The following KIF3A variants were observed in gnomAD, a reference collection of about 807,000 sequenced individuals.
KIF3A encodes the protein kinesin family member 3A, also known as kinesin-like protein KIF3A.
A neutral mutation model predicts 92.6 loss-of-function variants in KIF3A; 27 were observed. The ratio of observed to expected loss-of-function variants is 0.29; its 90% CI spans 0.21 to 0.40. KIF3A has a LOEUF of 0.40. Ranked by LOEUF, KIF3A falls within the 10% of genes least tolerant of loss-of-function variation. The probability of loss-of-function intolerance (pLI) is 1.00; values close to 1 mark genes in which losing one functional copy is unlikely to be tolerated. For missense variants in KIF3A, 581 were observed against 872.6 expected, an observed-to-expected ratio of 0.67 and a Z score of 4.21; for synonymous variants, 250 against 275.4, an observed-to-expected ratio of 0.91 and a Z score of 0.92.
At chr5:132,721,866 C>T (rs1753836585) in intron 4 of KIF3A, among the ~76,000 whole-genome samples, 1 of 152,126 alleles carries the variant, frequency 6.6e-6, no homozygotes, top group South Asian at 2.1e-4. Flanking sequence ...GAGAAGGGCG[C>T]TTTCATGAAT....
At chr5:132,692,089 T>G (rs1423334053), downstream of KIF3A, among the ~76,000 whole-genome samples, 3 of 152,146 alleles carry the variant, frequency 2.0e-5, no homozygotes, top group African/African-American at 7.2e-5. Flanking sequence ...TATGCAGCCA[T>G]AAAAATGAAT....
intron 11 of KIF3A, 63 bp from the exon 12 acceptor site, chr5:132,703,682 T>C: frequency 8.2e-7 from 1 of 1,222,698 alleles, no homozygotes; most frequent in Admixed American, 2.4e-5. Context: ...CTTATATAAA[T>C]TACCTCCTTC....
At chr5:132,735,177 C>A (rs751141042) in intron 1 of KIF3A, among the ~76,000 whole-genome samples, 6 of 152,130 alleles carry the variant, frequency 3.9e-5, no homozygotes, top group Non-Finnish European at 7.3e-5. Flanking sequence ...CAGGCTCAAG[C>A]GATTCTGCTG....
Position 132,694,040 on chromosome 5 carries a change from T to C in KIF3A, c.*2594A>G, listed in dbSNP as rs1752753804. On this transcript the variant is annotated 3_prime_UTR_variant, in exon 19 of 19. Coordinates refer to ENST00000403231, the MANE Select transcript of KIF3A (RefSeq NM_001300791.2). ...GTATCAAATTTTGGTATTTCTGAGA[T>C]GGATATTTAATGTCCATCTGGTATA... 1 of 151,608 alleles carries C rather than the reference T, an allele frequency of 6.6e-6. No individual in the cohort carries two copies. The highest frequency in any genetic ancestry group is 1.5e-5 in the Non-Finnish European group (1 of 67,918). 9.4% of individuals were successfully genotyped at this position (151,608 alleles called of 1,614,324 possible). A position where few individuals can be genotyped will look rare whatever the true frequency, so the allele number is the denominator to read the frequency against.
downstream of KIF3A, among the ~76,000 whole-genome samples, chr5:132,690,255 A>G (rs6879672): frequency 0.6 from 91,698 of 151,772 alleles, 29,848 homozygotes; most frequent in Non-Finnish European, 0.75. Flanking sequence ...TCCAGGTGTG[A>G]GGGCATGCAC....
At chr5:132,732,341 G>C (rs1754259964) in intron 2 of KIF3A, among the ~76,000 whole-genome samples, 1 of 152,076 alleles carries the variant, frequency 6.6e-6, no homozygotes, top group Non-Finnish European at 1.5e-5. Context: ...CTAAACATAT[G>C]TTCACACAAA....
At chr5:132,692,608 G>C (rs987435312), downstream of KIF3A, 2 of 152,414 alleles carry the variant, frequency 1.3e-5, no homozygotes, top group African/African-American at 4.8e-5. Flanking sequence ...GTTGAGAAAA[G>C]CAGCAGACCA....
At chr5:132,721,508 C>T (rs1753823048) in intron 4 of KIF3A, 1 of 152,100 alleles carries the variant, frequency 6.6e-6, no homozygotes, top group African/African-American at 2.4e-5. Flanking sequence ...GTAGGAAGAC[C>T]TCATAGACAT....
At position 132,694,398 on chromosome 5, in the gene KIF3A, A is replaced by G. The variant is rs942990189; in HGVS notation, c.*2236T>C. ...CTCCGTCTCCAAACAAAAAACAAAC[A>G]CCCCTGCTATAGTAGCCTGCTTTTA... is the stretch of plus-strand genomic sequence containing the variant. On this transcript the variant is annotated 3_prime_UTR_variant, in exon 19 of 19. Coordinates refer to ENST00000403231, the MANE Select transcript of KIF3A (RefSeq NM_001300791.2). The G allele has an allele frequency of 1.3e-5, 2 of 151,756 alleles. No individual in the cohort carries two copies. The highest frequency in any genetic ancestry group is 2.9e-5 in the Non-Finnish European group (2 of 67,968). The allele number at this position is 151,756 out of a possible 1,614,324, so 9.4% of individuals were successfully genotyped here.
intron 10 of KIF3A, among the ~76,000 whole-genome samples, chr5:132,708,190 G>A (rs756622277): frequency 3.3e-5 from 5 of 151,244 alleles, no homozygotes; most frequent in Non-Finnish European, 5.9e-5. Flanking sequence ...GCTGAGGCAG[G>A]AGAATGGCGT....
At chr5:132,717,947 G>A (rs1228521523) in intron 5 of KIF3A, among the ~76,000 whole-genome samples, 3 of 151,944 alleles carry the variant, frequency 2.0e-5, no homozygotes, top group African/African-American at 4.8e-5. Context: ...ATGAAATCTT[G>A]TGTTAAAATT....
At position 132,734,231 on chromosome 5, in the gene KIF3A, A is replaced by G; in HGVS notation, c.254T>C (p.Ile85Thr). The G allele has an allele frequency of 6.2e-7, 1 of 1,613,768 alleles. No individual in the cohort carries two copies. The highest frequency in any genetic ancestry group is 8.5e-7 in the Non-Finnish European group (1 of 1,179,792). Residue 85 changes from isoleucine to threonine, a missense_variant, in exon 2 of 19, where the codon ATT becomes ACT. By Grantham distance (89) the Ile-to-Thr change is moderately conservative. Around this residue, in one of 5 missense-constraint regions of KIF3A, gnomAD observed 217 missense variants for 299.7 expected, o/e 0.72. Coordinates refer to ENST00000403231, the MANE Select transcript of KIF3A (RefSeq NM_001300791.2). ...DVYNLTARPI[I>T]DSVLEGYNGT... ...ATTGTAGCCTTCAAGTACAGAATCAATAATAGGTCTTGCAGTTAAGTTATA... is the reference window on the plus strand; with the variant it reads ...ATTGTAGCCTTCAAGTACAGAATCAGTAATAGGTCTTGCAGTTAAGTTATA...
In KIF3A at chr5:132,724,809, ATATATATATATAT is replaced by A. The variant is rs1753968392; in HGVS notation, c.510+1306_510+1318del. On this transcript the variant is annotated intron_variant, in intron 4 of 18. Coordinates refer to ENST00000403231, the MANE Select transcript of KIF3A (RefSeq NM_001300791.2). ...AAGTATAATAAAAAAAAAAAAAAAT[ATATATATATATAT>A]ATATATATATATATATATATATATA... is the stretch of plus-strand genomic sequence containing the variant. Among the ~76,000 whole-genome samples, 13 of 10,516 alleles carry A rather than the reference ATATATATATATAT, an allele frequency of 1.2e-3. 1 individual carries two copies. The highest frequency in any genetic ancestry group is 3.2e-3 in the East Asian group (2 of 630). 6.9% of individuals were successfully genotyped at this position (10,516 alleles called of 152,430 possible). A position where few individuals can be genotyped will look rare whatever the true frequency, so the allele number is the denominator to read the frequency against.
At position 132,693,541 on chromosome 5, in the gene KIF3A, TCGTCTCACGAAATTAACA is replaced by T; in HGVS notation, c.*3075_*3092del. ...AAATGAGCAAGTGTGTTCATCTATA[TCGTCTCACGAAATTAACA>T]CTGACCTTACAACATATTTCATTTG... On this transcript the variant is annotated 3_prime_UTR_variant, in exon 19 of 19. Coordinates refer to ENST00000403231, the MANE Select transcript of KIF3A (RefSeq NM_001300791.2). 1 of 152,786 alleles carries T rather than the reference TCGTCTCACGAAATTAACA, an allele frequency of 6.5e-6. No individual in the cohort carries two copies. The highest frequency in any genetic ancestry group is 1.5e-5 in the Non-Finnish European group (1 of 68,038). 9.5% of individuals were successfully genotyped at this position (152,786 alleles called of 1,614,324 possible).
At chr5:132,709,952 T>C (rs1223592999) in intron 9 of KIF3A, among the ~76,000 whole-genome samples, 1 of 152,208 alleles carries the variant, frequency 6.6e-6, no homozygotes, top group East Asian at 1.9e-4. Flanking sequence ...CAAGCAGTGA[T>C]GGGTTTATTT....
chr5:132,696,318 T>C lies in KIF3A; in HGVS notation c.*316A>G, dbSNP rs1014954555. 5.2e-6 allele frequency: 1 copy of C among 190,498 alleles called. No homozygotes were observed. The highest frequency in any genetic ancestry group is 2.3e-5 in the African/African-American group (1 of 42,978). 11.8% of individuals were successfully genotyped at this position (190,498 alleles called of 1,614,324 possible). A position where few individuals can be genotyped will look rare whatever the true frequency, so the allele number is the denominator to read the frequency against. ...GTTACCTAAATATACAGTAGTTGGA[T>C]AAATAGCTAATCGATTTACACATAC... is the stretch of plus-strand genomic sequence containing the variant. On this transcript the variant is annotated 3_prime_UTR_variant, in exon 19 of 19. Transcript: ENST00000403231.
intron 2 of KIF3A, among the ~76,000 whole-genome samples, chr5:132,732,823 C>T (rs1204150883): frequency 6.6e-6 from 1 of 151,788 alleles, no homozygotes; most frequent in East Asian, 1.9e-4. Context: ...GCAGGAGAAT[C>T]GCTTGAACCC....
intron 10 of KIF3A, among the ~76,000 whole-genome samples, chr5:132,708,509 G>A (rs889007414): frequency 2.0e-5 from 3 of 152,088 alleles, no homozygotes; most frequent in African/African-American, 4.8e-5. Flanking sequence ...GGGCACTGGT[G>A]TACTTCAAAT....
At chr5:132,731,469 C>T (rs554076736) in intron 2 of KIF3A, among the ~76,000 whole-genome samples, 3 of 152,062 alleles carry the variant, frequency 2.0e-5, no homozygotes, top group South Asian at 2.1e-4. Context: ...AAACTCTCAG[C>T]GAACTAAGAA....
Sources: gnomAD v4.1 joint callset for allele counts (sites outside exome capture counted in the v4.1 genomes callset) on GRCh38, gnomAD v4.1.1 for gene constraint, gnomAD v4.1.1 regional missense constraint, MANE v1.5 for transcripts, NCBI Gene and HGNC (gene_info 2026-07-23, HGNC 2026-07-21) for gene names.